Variants in PLK5 observed in about 807,000 individuals in gnomAD.
PLK5 encodes the protein inactive serine/threonine-protein kinase PLK5.
PLK5 carries 28 observed loss-of-function variants against 33.7 expected under a neutral mutation model. The ratio of observed to expected loss-of-function variants is 0.83; its 90% confidence interval spans 0.62 to 1.14. The LOEUF (loss-of-function observed/expected upper bound fraction) is 1.14, where lower values mean the gene tolerates loss of function less well. Among genes scored for constraint, PLK5 ranks in the 50% most tolerant of loss-of-function variants. The pLI, the probability that PLK5 is intolerant of heterozygous loss-of-function variation, is 0.00. For missense variants in PLK5, 492 were observed against 461.5 expected (o/e 1.07, Z -0.61); for synonymous variants, 225 against 202.2 (o/e 1.11, Z -0.96).
chr19:1,527,993 C>T lies in PLK5; in HGVS notation c.60C>T (p.Tyr20=), dbSNP rs984342663. ...PFMASPLSEM[Y]QNIREGHYPE... is the part of the protein sequence containing the mutation. ...TGGCCTCACCCCTGTCGGAGATGTA[C>T]CAAAACATCCGTGAGGGCCACTACC... is the stretch of plus-strand genomic sequence containing the variant. Residue 20 remains tyrosine (Y), a synonymous_variant, in exon 7 of 14, where the codon TAC becomes TAT. Coordinates refer to ENST00000454744, the MANE Select transcript of PLK5 (RefSeq NM_001243079.2). 15 of 1,536,122 alleles carry T rather than the reference C, an allele frequency of 9.8e-6. No homozygotes were observed. Among genetic ancestry groups the T allele is most frequent in the African/African-American group, 8.2e-5 (6 of 73,144 alleles).
In PLK5 at chr19:1,528,353, T is replaced by C. The variant is rs1913809047; in HGVS notation, c.253T>C (p.Phe85Leu). 1 of 1,535,358 alleles carries C rather than the reference T, an allele frequency of 6.5e-7. No individual in the cohort carries two copies. The highest frequency in any genetic ancestry group is 1.4e-5 in the African/African-American group (1 of 72,874). The change falls in exon 8 of 14, where the codon TTC (phenylalanine) becomes CTC (leucine). Residue 85 changes from phenylalanine to leucine, a missense_variant. Phe to Leu is a conservative substitution (Grantham distance 22, BLOSUM62 0). Coordinates refer to ENST00000454744, the MANE Select transcript of PLK5 (RefSeq NM_001243079.2). ...CCACTCCTGCCACAGTCCCCCCATC[T>C]TCGCCATACCCCCGCCTCTGGGCAG... The part of the protein sequence containing the change: ...PAHSCHSPPI[F>L]AIPPPLGRIF...
At position 1,535,388 on chromosome 19, in the gene PLK5, G is replaced by T. The variant is rs1288654755; in HGVS notation, c.*138G>T. On this transcript the variant is annotated 3_prime_UTR_variant, in exon 14 of 14. Coordinates refer to ENST00000454744, the MANE Select transcript of PLK5 (RefSeq NM_001243079.2). ...ACGGGAGGTGGGTTCTTGCCTTGTG[G>T]CATGACTGTTCAACCCAGACTTTGC... The T allele has an allele frequency of 1.1e-6, 1 of 933,248 alleles. No homozygotes were observed. The highest frequency in any genetic ancestry group is 1.5e-6 in the Non-Finnish European group (1 of 653,614). The allele number at this position is 933,248 out of a possible 1,614,324, so 57.8% of individuals were successfully genotyped here. A position where few individuals can be genotyped will look rare whatever the true frequency, so the allele number is the denominator to read the frequency against.
At position 1,529,116 on chromosome 19, in the gene PLK5, A is replaced by T. The variant is rs1482637303; in HGVS notation, c.405+142A>T. ...GCCCCCTCCCCCTAGTCCCGTCCTG[A>T]CGCATCAGAGCTGGGATCCATTTGT... On this transcript the variant is annotated intron_variant, in intron 9 of 13. Coordinates refer to ENST00000454744, the MANE Select transcript of PLK5 (RefSeq NM_001243079.2). The T allele has an allele frequency of 6.8e-6, 5 of 734,108 alleles. No individual in the cohort carries two copies. In the African/African-American group the frequency reaches 8.9e-5, roughly 13 times the overall value. 45.5% of individuals were successfully genotyped at this position (734,108 alleles called of 1,614,324 possible). A position where few individuals can be genotyped will look rare whatever the true frequency, so the allele number is the denominator to read the frequency against.
chr19:1,534,741 C>T (rs1388844571), intron 13 of PLK5, among the ~76,000 whole-genome samples: 5 of 146,414 alleles, frequency 3.4e-5, no homozygotes, highest in East Asian at 2.0e-4. Context: ...GGCGTGAACC[C>T]GGGAGGCGGA....
chr19:1,535,394 CTGTT>C lies in PLK5; in HGVS notation c.*145_*148del. 1.2e-6 allele frequency: 1 copy of C among 834,180 alleles called. No individual in the cohort carries two copies. Among genetic ancestry groups the C allele is most frequent in the Non-Finnish European group, 1.8e-6 (1 of 568,042 alleles). The allele number at this position is 834,180 out of a possible 1,614,324, so 51.7% of individuals were successfully genotyped here. On this transcript the variant is annotated 3_prime_UTR_variant, in exon 14 of 14. Coordinates refer to ENST00000454744, the MANE Select transcript of PLK5 (RefSeq NM_001243079.2). ...GGTGGGTTCTTGCCTTGTGGCATGA[CTGTT>C]CAACCCAGACTTTGCTGGGATCTCT...
In PLK5 at chr19:1,524,619, GT is replaced by G. The variant is rs1913683157; in HGVS notation, c.-544+374del. On this transcript the variant is annotated intron_variant, in intron 1 of 13. Coordinates refer to ENST00000454744, the MANE Select transcript of PLK5 (RefSeq NM_001243079.2). The surrounding 1 kb of genome is among the most constrained non-coding windows in gnomAD (Gnocchi z 4.5). ...GGTGTTCGTGTGTGTGTGTGTGTGT[GT>G]GTGTGTGTGTGTCTGGGTGTTGTGT... is the stretch of plus-strand genomic sequence containing the variant. Among the ~76,000 whole-genome samples the G allele has an allele frequency of 1.1e-5, 1 of 94,354 alleles. No homozygotes were observed. Among genetic ancestry groups the G allele is most frequent in the African/African-American group, 3.7e-5 (1 of 27,348 alleles). 61.9% of individuals were successfully genotyped at this position (94,354 alleles called of 152,430 possible).
At position 1,531,874 on chromosome 19, in the gene PLK5, C is replaced by T. The variant is rs999576011; in HGVS notation, c.705C>T (p.Thr235=). The change falls in exon 12 of 14, where the codon ACC becomes ACT. Residue 235 remains threonine (T), a synonymous_variant. Transcript: ENST00000454744. ...GACGGCACCCACATGGCCCTGCGACCCCCCGGAGGGTAAGTTGTGGCCTCC... is the reference window on the plus strand; with the variant it reads ...GACGGCACCCACATGGCCCTGCGACTCCCCGGAGGGTAAGTTGTGGCCTCC... ...RTGRHPHGPA[T]PRREGTLPTP... The T allele has an allele frequency of 4.7e-6, 7 of 1,487,344 alleles. No homozygotes were observed. In the Admixed American group the frequency reaches 1.3e-4, roughly 28 times the overall value. The allele number at this position is 1,487,344 out of a possible 1,614,324, so 92.1% of individuals were successfully genotyped here.
At chr19:1,529,567 T>G in intron 10 of PLK5, 77 bp downstream of exon 10, 1 of 1,468,836 alleles carries the variant, frequency 6.8e-7, no homozygotes, top group South Asian at 1.2e-5. Context: ...ACCAAGGCCG[T>G]GGCTTACCAG....
chr19:1,531,872 A>AC lies in PLK5; in HGVS notation c.709dup (p.Arg237ProfsTer26), dbSNP rs375904636. On this transcript the variant is annotated frameshift_variant, in exon 12 of 14. Coordinates refer to ENST00000454744, the MANE Select transcript of PLK5 (RefSeq NM_001243079.2). LOFTEE classifies it high-confidence loss of function. ...GGGACGGCACCCACATGGCCCTGCG[A>AC]CCCCCCGGAGGGTAAGTTGTGGCCT... 32 of 1,474,378 alleles carry AC rather than the reference A, an allele frequency of 2.2e-5. No homozygotes were observed. The Middle Eastern group carries it at 6.4e-4, about 30-fold the overall frequency. The allele number at this position is 1,474,378 out of a possible 1,614,324, so 91.3% of individuals were successfully genotyped here.
At chr19:1,531,964 C>G in intron 12 of PLK5, 81 bp downstream of exon 12, 1 of 1,391,220 alleles carries the variant, frequency 7.2e-7, no homozygotes, top group Non-Finnish European at 9.4e-7. Flanking sequence ...ATTTATTAAG[C>G]ACCTACTGTG....
chr19:1,529,935 G>C, intron 11 of PLK5, 111 bp downstream of exon 11: 1 of 1,146,744 alleles, frequency 8.7e-7, no homozygotes, highest in Non-Finnish European at 1.2e-6. Flanking sequence ...AGGAGTAGGG[G>C]TGAGGGAGGC....
rs969893891 is a variant in PLK5, at chr19:1,527,981, G to A, written c.48G>A (p.Leu16=). ...CCCCACCCTTCATGGCCTCACCCCT[G>A]TCGGAGATGTACCAAAACATCCGTG... ...TGTPPFMASP[L]SEMYQNIREG... The change falls in exon 7 of 14, where the codon CTG becomes CTA. Residue 16 remains leucine (L), a synonymous_variant. Coordinates refer to ENST00000454744, the MANE Select transcript of PLK5 (RefSeq NM_001243079.2). The A allele has an allele frequency of 6.5e-7, 1 of 1,535,970 alleles. No homozygotes were observed. The highest frequency in any genetic ancestry group is 8.7e-7 in the Non-Finnish European group (1 of 1,146,840).
intron 11 of PLK5, among the ~76,000 whole-genome samples, chr19:1,530,784 TAA>T (rs1195453010): frequency 6.6e-6 from 1 of 151,548 alleles, no homozygotes; most frequent in Non-Finnish European, 1.5e-5. Context: ...CATGCCCGGC[TAA>T]TTTTTGTATT....
In PLK5 at chr19:1,531,849, G is replaced by A. The variant is rs1191356313; in HGVS notation, c.680G>A (p.Gly227Glu). 2 of 1,524,280 alleles carry A rather than the reference G, an allele frequency of 1.3e-6. No individual in the cohort carries two copies. The highest frequency in any genetic ancestry group is 2.0e-5 in the Admixed American group (1 of 49,810). 94.4% of individuals were successfully genotyped at this position (1,524,280 alleles called of 1,614,324 possible). The change falls in exon 12 of 14, where the codon GGA (glycine) becomes GAA (glutamate). Residue 227 changes from glycine (G) to glutamate (E), a missense_variant. Physicochemically the swap from Gly to Glu is moderately conservative, Grantham distance 98. Coordinates refer to ENST00000454744, the MANE Select transcript of PLK5 (RefSeq NM_001243079.2). ...CAGCTCTTGGACGGGGGGCGCACGG[G>A]ACGGCACCCACATGGCCCTGCGACC... ...GYQLLDGGRT[G>E]RHPHGPATPR...
rs1913687662 is a variant in PLK5, at chr19:1,524,733, G to T, written c.-544+487G>T. The stretch of plus-strand genomic sequence containing the variant: ...TGGGTGTTGTGTGTTCATGTGGTGT[G>T]CTTGTGTGTTTGTGTGTTCATATGT... On this transcript the variant is annotated intron_variant, in intron 1 of 13. Coordinates refer to ENST00000454744, the MANE Select transcript of PLK5 (RefSeq NM_001243079.2). The surrounding 1 kb of genome is among the most constrained non-coding windows in gnomAD (Gnocchi z 4.5). Among the ~76,000 whole-genome samples, 1 of 150,074 alleles carries T rather than the reference G, an allele frequency of 6.7e-6. No individual in the cohort carries two copies. The highest frequency in any genetic ancestry group is 6.6e-5 in the Admixed American group (1 of 15,078).
At chr19:1,534,523 A>T (rs62837761) in intron 13 of PLK5, among the ~76,000 whole-genome samples, 1 of 105,528 alleles carries the variant, frequency 9.5e-6, no homozygotes, top group East Asian at 2.8e-4. Flanking sequence ...AAAAAAAAAA[A>T]GGCCGGGCAC....
At chr19:1,530,808 C>G (rs901268324) in intron 11 of PLK5, among the ~76,000 whole-genome samples, 2 of 151,224 alleles carry the variant, frequency 1.3e-5, no homozygotes, top group Non-Finnish European at 2.9e-5. Context: ...ATAGTAGAGA[C>G]GGGGTTTCAC....
chr19:1,529,556 G>A lies in PLK5; in HGVS notation c.490+66G>A, dbSNP rs536719971. 1.0e-5 allele frequency: 15 copies of A among 1,481,252 alleles called. No homozygotes were observed. In the African/African-American group the frequency reaches 1.9e-4, roughly 19 times the overall value. 91.8% of individuals were successfully genotyped at this position (1,481,252 alleles called of 1,614,324 possible). A position where few individuals can be genotyped will look rare whatever the true frequency, so the allele number is the denominator to read the frequency against. ...AGGGAGGAATTACAAGTGACAGGGGGACCAAGGCCGTGGCTTACCAGGGTC... is the reference window on the plus strand; with the variant it reads ...AGGGAGGAATTACAAGTGACAGGGGAACCAAGGCCGTGGCTTACCAGGGTC... On this transcript the variant is annotated intron_variant, in intron 10 of 13. Coordinates refer to ENST00000454744, the MANE Select transcript of PLK5 (RefSeq NM_001243079.2).
chr19:1,533,683 G>A, intron 12 of PLK5: 2 of 579,680 alleles, frequency 3.5e-6, no homozygotes. Flanking sequence ...ACTGGCCTGG[G>A]CTGTCCAGGA....
Sources: gnomAD v4.1 joint callset for allele counts (sites outside exome capture counted in the v4.1 genomes callset) on GRCh38, gnomAD v4.1.1 for gene constraint, Gnocchi (gnomAD v3.1) non-coding constraint, MANE v1.5 for transcripts, NCBI Gene and HGNC (gene_info 2026-07-23, HGNC 2026-07-21) for gene names.